LRRC7: variants seen among roughly 807,000 people sequenced by gnomAD.
The protein encoded by LRRC7 is leucine rich repeat containing 7, also known as leucine-rich repeat-containing protein 7.
A neutral mutation model predicts 175.7 loss-of-function variants in LRRC7; 23 were observed. The observed-to-expected ratio is 0.13, with a 90% CI of 0.09 to 0.19. The LOEUF (loss-of-function observed/expected upper bound fraction) is 0.19. Ranked by LOEUF, LRRC7 falls within the 10% of genes least tolerant of loss-of-function variation. The pLI, the probability that LRRC7 is intolerant of heterozygous loss-of-function variation, is 1.00. For synonymous variants in LRRC7, 685 were observed against 680.9 expected (o/e 1.01, Z -0.09); for missense variants, 1,354 against 1,904.7 (o/e 0.71, Z 5.38).
At chr1:69,624,074 A>C (rs1216448257) in intron 1 of LRRC7, among the ~76,000 whole-genome samples, 1 of 152,114 alleles carries the variant, frequency 6.6e-6, no homozygotes, top group Non-Finnish European at 1.5e-5. Flanking sequence ...AAAATAAAAA[A>C]CATATACTCA....
intron 8 of LRRC7, among the ~76,000 whole-genome samples, chr1:69,949,875 G>A (rs1046448993): frequency 2.6e-5 from 4 of 151,940 alleles, no homozygotes; most frequent in African/African-American, 7.3e-5. Context: ...CATCCCAGAG[G>A]GACTCGTTTT....
chr1:69,871,534 G>A (rs1188166423), intron 7 of LRRC7, among the ~76,000 whole-genome samples: 1 of 151,880 alleles, frequency 6.6e-6, no homozygotes, highest in Non-Finnish European at 1.5e-5. Context: ...ATAAAATATA[G>A]TCGAGTATTT....
intron 4 of LRRC7, among the ~76,000 whole-genome samples, chr1:69,810,722 G>T (rs1251366331): frequency 6.6e-6 from 1 of 152,202 alleles, no homozygotes; most frequent in Non-Finnish European, 1.5e-5. Flanking sequence ...CTAGCCATAT[G>T]CAGAAAACTG....
At chr1:69,954,846 C>T (rs1368562549) in intron 8 of LRRC7, among the ~76,000 whole-genome samples, 1 of 152,024 alleles carries the variant, frequency 6.6e-6, no homozygotes, top group Non-Finnish European at 1.5e-5. Flanking sequence ...AATTAATTCA[C>T]TTGGGCATTT....
chr1:69,879,211 T>TAAAAAAAA (rs1307811457), intron 7 of LRRC7, among the ~76,000 whole-genome samples: 2 of 53,422 alleles, frequency 3.7e-5, no homozygotes, highest in African/African-American at 1.8e-4. Flanking sequence ...TAAAACTGCT[T>TAAAAAAAA]TAAAAAAAAA....
intron 7 of LRRC7, among the ~76,000 whole-genome samples, chr1:69,897,302 C>T (rs1307843055): frequency 6.6e-6 from 1 of 152,166 alleles, no homozygotes; most frequent in African/African-American, 2.4e-5. Flanking sequence ...TATGTTTCCT[C>T]ACTTCCTTTA....
At chr1:70,105,266 A>AT (rs1665065594) in intron 25 of LRRC7, among the ~76,000 whole-genome samples, 1 of 152,110 alleles carries the variant, frequency 6.6e-6, no homozygotes, top group Admixed American at 6.6e-5. Flanking sequence ...TGAATTGACC[A>AT]TTTTTACAGC....
At chr1:69,816,930 C>T (rs1294798165) in intron 4 of LRRC7, among the ~76,000 whole-genome samples, 1 of 152,090 alleles carries the variant, frequency 6.6e-6, no homozygotes, top group Non-Finnish European at 1.5e-5. Context: ...TTTCACTTAG[C>T]ATGTCTTCCA....
chr1:69,580,044 C>A (rs184326253), intron 1 of LRRC7, among the ~76,000 whole-genome samples: 1 of 152,090 alleles, frequency 6.6e-6, no homozygotes, highest in African/African-American at 2.4e-5. Context: ...TGAACAATCA[C>A]TCTAAATGCA....
intron 2 of LRRC7, among the ~76,000 whole-genome samples, chr1:69,754,129 C>G (rs922599062): frequency 6.6e-6 from 1 of 151,944 alleles, no homozygotes; most frequent in Non-Finnish European, 1.5e-5. Flanking sequence ...GAGACCATAT[C>G]GTACTTGGTA....
intron 23 of LRRC7, among the ~76,000 whole-genome samples, chr1:70,064,092 A>C (rs1661785981): frequency 6.6e-6 from 1 of 152,014 alleles, no homozygotes; most frequent in South Asian, 2.1e-4. Context: ...CTCTAAAATT[A>C]CTGCAGTGTG....
At chr1:69,989,042 A>C (rs1367404330) in intron 10 of LRRC7, among the ~76,000 whole-genome samples, 1 of 152,224 alleles carries the variant, frequency 6.6e-6, no homozygotes, top group Non-Finnish European at 1.5e-5. Flanking sequence ...AGAACATCAA[A>C]TAGATAAAAG....
At chr1:69,585,478 G>C (rs544657802) in intron 1 of LRRC7, among the ~76,000 whole-genome samples, 1 of 152,212 alleles carries the variant, frequency 6.6e-6, no homozygotes, top group South Asian at 2.1e-4. Flanking sequence ...TCTTTCCAAA[G>C]ATGCCTTTAC....
intron 2 of LRRC7, among the ~76,000 whole-genome samples, chr1:69,747,346 G>A: frequency 6.6e-6 from 1 of 152,132 alleles, no homozygotes; most frequent in East Asian, 1.9e-4. Context: ...AATGTGCAAA[G>A]GCATGGGACA....
intron 26 of LRRC7, among the ~76,000 whole-genome samples, chr1:70,119,493 GGA>G (rs1323261772): frequency 2.6e-5 from 4 of 151,184 alleles, no homozygotes; most frequent in Non-Finnish European, 5.9e-5. Context: ...CAATGCCTAT[GGA>G]AGTGAGTACA....
At chr1:69,650,537 C>A (rs1446104288) in intron 1 of LRRC7, among the ~76,000 whole-genome samples, 2 of 30,198 alleles carry the variant, frequency 6.6e-5, no homozygotes, top group Admixed American at 2.8e-4. Context: ...GAGACTCCGT[C>A]TCAAAAAAAA....
intron 1 of LRRC7, among the ~76,000 whole-genome samples, chr1:69,600,739 T>C (rs1647020144): frequency 6.6e-6 from 1 of 151,638 alleles, no homozygotes; most frequent in African/African-American, 2.4e-5. Flanking sequence ...TCCAGGCTTA[T>C]CTTGTATTTA....
intron 1 of LRRC7, among the ~76,000 whole-genome samples, chr1:69,638,563 T>A (rs1379244399): frequency 6.6e-6 from 1 of 151,776 alleles, no homozygotes; most frequent in African/African-American, 2.4e-5. Flanking sequence ...GTAGTCTGCT[T>A]GCAAGTTAAG....
chr1:69,683,101 G>T (rs1229432167), intron 2 of LRRC7, among the ~76,000 whole-genome samples: 1 of 152,120 alleles, frequency 6.6e-6, no homozygotes, highest in Admixed American at 6.6e-5. Flanking sequence ...CCAAAACTAT[G>T]ATCTTTCAAA....
Sources: gnomAD v4.1 joint callset for allele counts (sites outside exome capture counted in the v4.1 genomes callset) on GRCh38, gnomAD v4.1.1 for gene constraint, MANE v1.5 for transcripts, NCBI Gene and HGNC (gene_info 2026-07-23, HGNC 2026-07-21) for gene names.